The following ITCH variants were observed in gnomAD, a reference collection of about 807,000 sequenced individuals.
The protein encoded by ITCH is itchy E3 ubiquitin protein ligase.
A neutral mutation model predicts 126.8 loss-of-function variants in ITCH; 28 were observed. That is an observed-to-expected ratio of 0.22 (90% CI 0.16 to 0.30). The LOEUF (loss-of-function observed/expected upper bound fraction) is 0.30. Ranked by LOEUF, ITCH falls within the 10% of genes least tolerant of loss-of-function variation. The pLI is 1.00. For synonymous variants in ITCH, 342 were observed against 340.0 expected (o/e 1.01, Z -0.06); for missense variants, 631 against 1,032.4 (o/e 0.61, Z 5.33).
intron 2 of ITCH, among the ~76,000 whole-genome samples, chr20:34,373,893 T>A (rs570177564): frequency 4.3e-4 from 65 of 152,032 alleles, no homozygotes; most frequent in South Asian, 1.5e-3. Context: ...TTTTTTTTTT[T>A]ATTTTTTTTT....
intron 6 of ITCH, chr20:34,417,288 G>C (rs1007038062): frequency 4.3e-6 from 2 of 468,536 alleles, no homozygotes; most frequent in Non-Finnish European, 7.8e-6. Context: ...GTAGAGACAG[G>C]GTTTCTCCGT....
At position 34,509,670 on chromosome 20, in the gene ITCH, A is replaced by C. The variant is rs1978554787; in HGVS notation, c.*1876A>C. 6.6e-6 allele frequency: 1 copy of C among 152,602 alleles called. No individual in the cohort carries two copies. The highest frequency in any genetic ancestry group is 2.4e-5 in the African/African-American group (1 of 41,438). The allele number at this position is 152,602 out of a possible 1,614,324, so 9.5% of individuals were successfully genotyped here. On this transcript the variant is annotated 3_prime_UTR_variant, in exon 25 of 25. Transcript: ENST00000374864. The stretch of plus-strand genomic sequence containing the variant: ...TGGTTTCTAAAAGCCCTGGTTGTTA[A>C]AAGTAGGGACTCTGCCTTTTTGTTG...
rs1337926146 is a variant in ITCH, at chr20:34,462,551, C to T, written c.1424+330C>T. On this transcript the variant is annotated intron_variant, in intron 14 of 24. Transcript: ENST00000374864. ...TTTGACGTTAAAAAAGCTCTCATTA[C>T]TTATCCCCCACCCCATTTCTGAGAA... 2.0e-5 allele frequency among the ~76,000 whole-genome samples: 3 copies of T among 152,204 alleles called. No individual in the cohort carries two copies. In the East Asian group the frequency reaches 5.8e-4, roughly 29 times the overall value.
chr20:34,457,535 TGAA>T (rs1323265276), intron 13 of ITCH, 61 bp downstream of exon 13: 47 of 1,127,906 alleles, frequency 4.2e-5, no homozygotes, highest in East Asian at 7.2e-5. Flanking sequence ...TTCTAACAAC[TGAA>T]GAAGATCAAA....
rs1042749400 is a variant in ITCH at position 34,415,939 on chromosome 20, T to C, written c.475+2060T>C. Among the ~76,000 whole-genome samples, 64 of 150,242 alleles carry C rather than the reference T, an allele frequency of 4.3e-4. 1 individual carries two copies. The highest frequency in any genetic ancestry group is 3.9e-3 in the Admixed American group (58 of 15,028). ...GAGTTTGAGACCAGCCTGGCCAACA[T>C]GGTGAAACCCCGTCTCTACTAAAAA... On this transcript the variant is annotated intron_variant, in intron 6 of 24. Transcript: ENST00000374864.
At chr20:34,448,478 G>A (rs1028108672) in intron 11 of ITCH, among the ~76,000 whole-genome samples, 2 of 151,970 alleles carry the variant, frequency 1.3e-5, no homozygotes, top group African/African-American at 2.4e-5. Context: ...TTTGATTTTC[G>A]CTTCAACAAA....
chr20:34,420,675 A>AT (rs1386460183), intron 6 of ITCH, among the ~76,000 whole-genome samples: 1 of 152,042 alleles, frequency 6.6e-6, no homozygotes, highest in African/African-American at 2.4e-5. Context: ...ATACATAGGA[A>AT]TTTTTTTTAA....
intron 20 of ITCH, among the ~76,000 whole-genome samples, chr20:34,487,157 G>A (rs1989186223): frequency 6.6e-6 from 1 of 151,564 alleles, no homozygotes; most frequent in African/African-American, 2.4e-5. Context: ...GACTACAGGC[G>A]CCTGCCACCA....
At position 34,494,279 on chromosome 20, in the gene ITCH, A is replaced by G. The variant is rs754652985; in HGVS notation, c.2416+1682A>G. Reference sequence around the variant, plus strand: ...GTCTGGAAGCCAATTTAAAGGAGAGACCAGAGAGTGAAAAGAAGAAAGAAA... The same window carrying G: ...GTCTGGAAGCCAATTTAAAGGAGAGGCCAGAGAGTGAAAAGAAGAAAGAAA... On this transcript the variant is annotated intron_variant, in intron 23 of 24. Coordinates refer to ENST00000374864, the MANE Select transcript of ITCH (RefSeq NM_031483.7). Among the ~76,000 whole-genome samples, 166 of 152,154 alleles carry G rather than the reference A, an allele frequency of 1.1e-3. 2 individuals carry two copies. The highest frequency in any genetic ancestry group is 3.9e-4 in the Admixed American group (6 of 15,272).
At chr20:34,471,307 T>C in intron 15 of ITCH, 137 bp from the exon 16 acceptor site, 1 of 673,628 alleles carries the variant, frequency 1.5e-6, no homozygotes, top group South Asian at 1.6e-5. Flanking sequence ...TGGTAAACAT[T>C]ATTGAATATA....
At chr20:34,406,604 G>C (rs375517910) in intron 3 of ITCH, among the ~76,000 whole-genome samples, 2 of 150,386 alleles carry the variant, frequency 1.3e-5, no homozygotes, top group Non-Finnish European at 3.0e-5. Context: ...GCGCAATCGC[G>C]GCTCACTGCA....
chr20:34,406,722 G>A (rs2039071391), intron 3 of ITCH, among the ~76,000 whole-genome samples: 2 of 151,984 alleles, frequency 1.3e-5, no homozygotes, highest in Admixed American at 6.5e-5. Flanking sequence ...TTTTAGTAGA[G>A]ACAGGGTTTC....
At chr20:34,449,183 G>A in intron 11 of ITCH, among the ~76,000 whole-genome samples, 2 of 152,222 alleles carry the variant, frequency 1.3e-5, no homozygotes, top group Middle Eastern at 6.8e-3. Flanking sequence ...ACATATATGT[G>A]TAGTATTTTA....
chr20:34,464,567 T>C (rs2146387718), intron 14 of ITCH, among the ~76,000 whole-genome samples: 1 of 152,070 alleles, frequency 6.6e-6, no homozygotes, highest in Non-Finnish European at 1.5e-5. Flanking sequence ...CCTCAGGTGA[T>C]CCGCCCGCCT....
intron 20 of ITCH, among the ~76,000 whole-genome samples, chr20:34,482,402 C>A (rs1277475500): frequency 6.6e-6 from 1 of 152,230 alleles, no homozygotes; most frequent in African/African-American, 2.4e-5. Flanking sequence ...TTCCTACATA[C>A]ACTCAGGGAT....
rs542608704 is a variant in ITCH, at chr20:34,476,350, C to G, written c.1570-1422C>G. 2.3e-6 allele frequency: 3 copies of G among 1,330,036 alleles called. No homozygotes were observed. In the East Asian group the frequency reaches 7.7e-5, roughly 34 times the overall value. The allele number at this position is 1,330,036 out of a possible 1,614,324, so 82.4% of individuals were successfully genotyped here. The stretch of plus-strand genomic sequence containing the variant: ...GCTCGCCTCCGCGCTCCGGCCCGGT[C>G]CCCGGCTCCTCAGCAGGCCGCTGGC... On this transcript the variant is annotated intron_variant, in intron 16 of 24. Coordinates refer to ENST00000374864, the MANE Select transcript of ITCH (RefSeq NM_031483.7).
At chr20:34,459,106 C>T (rs1404846745) in intron 13 of ITCH, among the ~76,000 whole-genome samples, 1 of 152,156 alleles carries the variant, frequency 6.6e-6, no homozygotes, top group Non-Finnish European at 1.5e-5. Flanking sequence ...CAACTGTCTA[C>T]AAATTTGGGG....
intron 6 of ITCH, among the ~76,000 whole-genome samples, chr20:34,421,355 G>T (rs556819014): frequency 6.6e-6 from 1 of 152,162 alleles, no homozygotes; most frequent in Non-Finnish European, 1.5e-5. Flanking sequence ...CTTTATCTAG[G>T]AGCTAGTTAT....
intron 7 of ITCH, among the ~76,000 whole-genome samples, 185 bp from the exon 8 acceptor site, chr20:34,438,287 CTG>C (rs1983283746): frequency 6.6e-6 from 1 of 152,158 alleles, no homozygotes; most frequent in Non-Finnish European, 1.5e-5. Context: ...TAGATGAACT[CTG>C]GGGGTTATAT....
Sources: allele counts gnomAD v4.1 joint callset (sites outside exome capture counted in the v4.1 genomes callset), GRCh38; gene constraint gnomAD v4.1.1; transcripts MANE v1.5; gene names NCBI Gene and HGNC (gene_info 2026-07-23, HGNC 2026-07-21).